TEX11: variants seen among roughly 807,000 people sequenced by gnomAD.
The protein encoded by TEX11 is testis-expressed protein 11.
TEX11 carries 7 observed loss-of-function variants against 84.4 expected under a neutral mutation model. The observed-to-expected ratio is 0.08, with a 90% CI of 0.05 to 0.16. The LOEUF (loss-of-function observed/expected upper bound fraction) is 0.16, where lower values mean the gene tolerates loss of function less well. Ranked by LOEUF, TEX11 falls within the 10% of genes least tolerant of loss-of-function variation. The probability of loss-of-function intolerance (pLI) is 1.00; values close to 1 mark genes in which losing one functional copy is unlikely to be tolerated. For synonymous variants in TEX11, 264 were observed against 222.8 expected, an observed-to-expected ratio of 1.18 and a Z score of -1.64; for missense variants, 551 against 660.5, an observed-to-expected ratio of 0.83 and a Z score of 1.82.
chrX:70,648,577 T>A (rs1019587117), intron 17 of TEX11, among the ~76,000 whole-genome samples: 1 of 110,993 alleles, frequency 9.0e-6, no homozygotes. Context: ...TACCCTATCT[T>A]AAACTGGGAA....
chrX:70,724,148 T>C (rs1264586464), intron 12 of TEX11: 29 of 750,190 alleles, frequency 3.9e-5, no homozygotes, highest in Non-Finnish European at 4.6e-5. Flanking sequence ...TCCAATCATC[T>C]CTCTGGTCTT....
chrX:70,769,429 G>C (rs2090959386), intron 9 of TEX11, among the ~76,000 whole-genome samples: 1 of 111,494 alleles, frequency 9.0e-6, no homozygotes, highest in African/African-American at 3.3e-5. Flanking sequence ...TAAAAGACTA[G>C]AGATCTATTG....
intron 28 of TEX11, among the ~76,000 whole-genome samples, chrX:70,542,188 AG>A (rs2088054466): frequency 9.0e-6 from 1 of 110,813 alleles, no homozygotes; most frequent in African/African-American, 3.3e-5. Flanking sequence ...AGGTCATAAG[AG>A]GAGTGCTCTC....
intron 9 of TEX11, among the ~76,000 whole-genome samples, chrX:70,763,782 G>A (rs1421611912): frequency 1.8e-5 from 2 of 110,328 alleles, no homozygotes; most frequent in East Asian, 5.7e-4. Context: ...TCCACAAGAG[G>A]ATATAACAAT....
At chrX:70,518,325 T>G in the TEX11 span, among the ~76,000 whole-genome samples, 2 of 112,061 alleles carry the variant, frequency 1.8e-5, no homozygotes, top group Admixed American at 9.5e-5. Context: ...ATGTTGTGTC[T>G]TTGTTCTCAC....
At chrX:70,873,435 G>T (rs770431139) in intron 3 of TEX11, 128 bp from the exon 4 acceptor site, 1 of 463,023 alleles carries the variant, frequency 2.2e-6, no homozygotes, top group Non-Finnish European at 3.7e-6. Context: ...TAATCTAGTC[G>T]CATTCTACCT....
intron 24 of TEX11, among the ~76,000 whole-genome samples, chrX:70,595,493 A>T (rs963763222): frequency 2.7e-5 from 3 of 111,427 alleles, no homozygotes; most frequent in Non-Finnish European, 5.6e-5. Context: ...AAAATAGCAT[A>T]AAAAAAGAGG....
chrX:70,523,769 CTTTT>C, the TEX11 span, among the ~76,000 whole-genome samples: 3 of 90,961 alleles, frequency 3.3e-5, no homozygotes, highest in Non-Finnish European at 6.6e-5. Context: ...TGGCCCCCCT[CTTTT>C]TTTTTTTTTT....
chrX:70,852,898 A>G lies in TEX11; in HGVS notation c.525+136T>C, dbSNP rs924044996. 5.0e-6 allele frequency: 3 copies of G among 594,555 alleles called. No homozygotes were observed. The African/African-American group carries it at 6.9e-5, about 14-fold the overall frequency. The allele number at this position is 594,555 out of a possible 1,213,427, so 49.0% of individuals were successfully genotyped here. On this transcript the variant is annotated intron_variant, in intron 7 of 29. Coordinates refer to ENST00000374333, the MANE Select transcript of TEX11 (RefSeq NM_031276.3). ...GTAACATCACCTTCAGATATAACAG[A>G]GATAAAAAGGTCAAATTAATATCCT...
intron 8 of TEX11, among the ~76,000 whole-genome samples, chrX:70,812,556 T>G (rs199602530): frequency 9.0e-6 from 1 of 110,982 alleles, no homozygotes; most frequent in East Asian, 2.8e-4. Context: ...AGTTTCAGCT[T>G]TCTACATATG....
At chrX:70,674,243 T>C (rs2090049852) in intron 15 of TEX11, among the ~76,000 whole-genome samples, 2 of 112,655 alleles carry the variant, frequency 1.8e-5, no homozygotes, top group Admixed American at 1.9e-4. Flanking sequence ...TTCTTTTTTA[T>C]GGCTGCATAA....
At chrX:70,750,472 G>A (rs1257651159) in intron 9 of TEX11, among the ~76,000 whole-genome samples, 8 of 110,924 alleles carry the variant, frequency 7.2e-5, no homozygotes, top group East Asian at 2.8e-4. Context: ...ACACGCATAC[G>A]TATGTTTATT....
At chrX:70,629,843 T>C in intron 17 of TEX11, 108 bp from the exon 18 acceptor site, 2 of 639,795 alleles carry the variant, frequency 3.1e-6, no homozygotes, top group Non-Finnish European at 4.5e-6. Flanking sequence ...AAGAACATTT[T>C]TAAAATGTTA....
At chrX:70,892,985 C>T (rs1425474428) in intron 2 of TEX11, among the ~76,000 whole-genome samples, 1 of 111,159 alleles carries the variant, frequency 9.0e-6, no homozygotes, top group African/African-American at 3.3e-5. Flanking sequence ...AAGATCAATA[C>T]AACAAGAAGA....
At chrX:70,540,335 C>T (rs912247087) in intron 28 of TEX11, among the ~76,000 whole-genome samples, 9 of 111,683 alleles carry the variant, frequency 8.1e-5, no homozygotes, top group East Asian at 2.8e-4. Flanking sequence ...AGTTTAGTGG[C>T]GTTAAGTACA....
At chrX:70,891,386 C>G (rs750797393) in intron 2 of TEX11, among the ~76,000 whole-genome samples, 1 of 111,536 alleles carries the variant, frequency 9.0e-6, no homozygotes, top group Non-Finnish European at 1.9e-5. Context: ...ATGACTTTGA[C>G]GAGCTGACAG....
intron 13 of TEX11, among the ~76,000 whole-genome samples, chrX:70,695,420 A>C (rs1019513176): frequency 4.5e-5 from 5 of 112,336 alleles, no homozygotes; most frequent in African/African-American, 1.6e-4. Context: ...AGAAAATACA[A>C]ATGAAGCTAT....
In TEX11 at chrX:70,873,301, C is replaced by T. The variant is rs1392057829; in HGVS notation, c.166G>A (p.Glu56Lys). 8.5e-7 allele frequency: 1 copy of T among 1,182,593 alleles called. No homozygotes were observed. Among genetic ancestry groups the T allele is most frequent in the East Asian group, 3.0e-5 (1 of 33,720 alleles). Residue 56 changes from glutamate to lysine, a missense_variant, in exon 4 of 30, where the codon GAA becomes AAA. Transcript: ENST00000374333. Reference protein sequence around the residue: ...MAEITDIQIEEMAVNLWNWAL... With the variant: ...MAEITDIQIEKMAVNLWNWAL... ...CAGTTCCATAGGTTTACTGCCATTT[C>T]TTCAATCTGGTCAAAGAGAAACATT...
intron 17 of TEX11, 104 bp downstream of exon 17, chrX:70,651,346 A>G: frequency 4.1e-6 from 2 of 484,627 alleles, no homozygotes; most frequent in Admixed American, 3.9e-5. Context: ...ACATATATTC[A>G]ATTCTATTGT....
Sources: allele counts gnomAD v4.1 joint callset (sites outside exome capture counted in the v4.1 genomes callset), GRCh38; gene constraint gnomAD v4.1.1; transcripts MANE v1.5; gene names NCBI Gene and HGNC (gene_info 2026-07-23, HGNC 2026-07-21).